ITGA11: variants seen among roughly 807,000 people sequenced by gnomAD.
ITGA11 encodes integrin alpha-11.
A neutral mutation model predicts 141.9 loss-of-function variants in ITGA11; 97 were observed. That is an observed-to-expected ratio of 0.68 (90% CI 0.58 to 0.81). ITGA11 has a LOEUF of 0.81. ITGA11 is among the 30% of genes least tolerant of loss of function. The pLI is 0.00. For missense variants in ITGA11, 1,387 were observed against 1,559.2 expected (o/e 0.89, Z 1.86); for synonymous variants, 658 against 624.6 (o/e 1.05, Z -0.80).
rs963183268 is a variant in ITGA11 at position 68,307,174 on chromosome 15, C to G, written c.3381+174G>C. ...CCTAGTGTTGCCCCTGAGGCTTTGT[C>G]TTGCTTTTTTCCCTCTTTTCAGCGG... On this transcript the variant is annotated intron_variant, in intron 28 of 29. Transcript: ENST00000315757. The surrounding 1 kb of genome is among the most constrained non-coding windows in gnomAD (Gnocchi z 6.1). Among the ~76,000 whole-genome samples, 2 of 152,238 alleles carry G rather than the reference C, an allele frequency of 1.3e-5. No homozygotes were observed. The highest frequency in any genetic ancestry group is 1.5e-5 in the Non-Finnish European group (1 of 68,048).
intron 10 of ITGA11, chr15:68,340,710 C>T (rs1040295796): frequency 1.3e-5 from 2 of 152,198 alleles, no homozygotes; most frequent in African/African-American, 2.4e-5. Flanking sequence ...AGGTTACTGA[C>T]CCCATGGCCC....
intron 8 of ITGA11, 143 bp downstream of exon 8, chr15:68,351,115 T>G (rs1372759464): frequency 2.3e-6 from 2 of 868,616 alleles, no homozygotes; most frequent in Admixed American, 2.8e-5. Flanking sequence ...CTCAACTTGT[T>G]GTTCAGAAGA....
chr15:68,406,202 C>G (rs1372210591), intron 1 of ITGA11, among the ~76,000 whole-genome samples: 1 of 152,154 alleles, frequency 6.6e-6, no homozygotes, highest in African/African-American at 2.4e-5. Flanking sequence ...CCAGAGGGAC[C>G]CTTCCAAGAC....
rs1159163362 is a variant in ITGA11, at chr15:68,333,244, C to G, written c.1426-766G>C. Among the ~76,000 whole-genome samples the G allele has an allele frequency of 6.6e-6, 1 of 151,992 alleles. No individual in the cohort carries two copies. Among genetic ancestry groups the G allele is most frequent in the African/African-American group, 2.4e-5 (1 of 41,372 alleles). On this transcript the variant is annotated intron_variant, in intron 12 of 29. Transcript: ENST00000315757. The surrounding 1 kb of genome is among the most constrained non-coding windows in gnomAD (Gnocchi z 4.2). ...CCTCCTGAGTAGCTGGGACCACAGG[C>G]ACTTACCACCGCTCCTGGCTGTTTT...
chr15:68,365,723 TCCCTC>T (rs1032276747), intron 3 of ITGA11, among the ~76,000 whole-genome samples: 4 of 151,700 alleles, frequency 2.6e-5, no homozygotes, highest in African/African-American at 9.7e-5. Flanking sequence ...AATTTTCCCT[TCCCTC>T]CCCTCCCTTT....
At chr15:68,350,550 G>GGGATTAT (rs1894873268) in intron 9 of ITGA11, 67 bp downstream of exon 9, 1 of 1,466,912 alleles carries the variant, frequency 6.8e-7, no homozygotes, top group Non-Finnish European at 9.3e-7. Context: ...ATTGGTTTGT[G>GGGATTAT]CTCTACGGGG....
chr15:68,413,603 T>C (rs565156019), intron 1 of ITGA11, among the ~76,000 whole-genome samples: 11 of 152,314 alleles, frequency 7.2e-5, no homozygotes, highest in East Asian at 5.8e-4. Flanking sequence ...TGGATGTCCA[T>C]TGAGAGCCCC....
Position 68,357,262 on chromosome 15 carries a change from T to C in ITGA11, c.638A>G (p.Glu213Gly). The C allele has an allele frequency of 6.2e-7, 1 of 1,613,860 alleles. No homozygotes were observed. Among genetic ancestry groups the C allele is most frequent in the Non-Finnish European group, 8.5e-7 (1 of 1,179,854 alleles). ...AGACCTGTAGTCGTTGAGGTGAAAC[T>C]CATGCACCACATCTTCGCCATACTG... ...VVQYGEDVVHEFHLNDYRSVK... is the reference protein window; with the variant it reads ...VVQYGEDVVHGFHLNDYRSVK... Residue 213 changes from glutamate (E) to glycine (G), a missense_variant, in exon 7 of 30, where the codon GAG becomes GGG. Glu to Gly is a moderately conservative substitution (Grantham distance 98, BLOSUM62 -2). Coordinates refer to ENST00000315757, the MANE Select transcript of ITGA11 (RefSeq NM_001004439.2).
chr15:68,400,572 C>A (rs1896445115), intron 2 of ITGA11, among the ~76,000 whole-genome samples: 6 of 99,308 alleles, frequency 6.0e-5, no homozygotes, highest in East Asian at 2.3e-4. Flanking sequence ...ATAATATATA[C>A]AGAATATATA....
chr15:68,325,353 G>T lies in ITGA11; in HGVS notation c.2212-112C>A. On this transcript the variant is annotated intron_variant, in intron 17 of 29. Transcript: ENST00000315757. This position sits in a 1 kb window ranked among gnomAD's most constrained non-coding sequence, Gnocchi z 5.5. Reference sequence around the variant, plus strand: ...ACCTTCCTTAGATGGCAGGGCAGCTGCCCTGTGCCCTCAGGGTGAGTCTGC... The same window carrying T: ...ACCTTCCTTAGATGGCAGGGCAGCTTCCCTGTGCCCTCAGGGTGAGTCTGC... 1 of 727,636 alleles carries T rather than the reference G, an allele frequency of 1.4e-6. No homozygotes were observed. Among genetic ancestry groups the T allele is most frequent in the Non-Finnish European group, 2.4e-6 (1 of 409,016 alleles). The allele number at this position is 727,636 out of a possible 1,614,324, so 45.1% of individuals were successfully genotyped here.
At chr15:68,362,602 GATGA>G (rs1257447391) in intron 4 of ITGA11, among the ~76,000 whole-genome samples, 3 of 152,092 alleles carry the variant, frequency 2.0e-5, no homozygotes, top group Admixed American at 6.6e-5. Context: ...TAGATGGATG[GATGA>G]ATGATGTATA....
intron 15 of ITGA11, among the ~76,000 whole-genome samples, chr15:68,329,090 G>A (rs902213203): frequency 2.0e-5 from 3 of 152,190 alleles, no homozygotes; most frequent in Admixed American, 1.3e-4. Context: ...GTTCTTCTTA[G>A]CATAAAGGTG....
chr15:68,365,115 G>C (rs535956492), intron 3 of ITGA11: 2 of 982,340 alleles, frequency 2.0e-6, no homozygotes, highest in Non-Finnish European at 1.2e-6. Flanking sequence ...CCACTTCCCC[G>C]TGTGCCCCCA....
chr15:68,307,011 A>C lies in ITGA11; in HGVS notation c.3381+337T>G, dbSNP rs1893221105. On this transcript the variant is annotated intron_variant, in intron 28 of 29. Transcript: ENST00000315757. The surrounding 1 kb of genome is among the most constrained non-coding windows in gnomAD (Gnocchi z 6.1). ...TTCTCGTTGGGTCTCACAGAGTCTC[A>C]CTCCTTTCCTGGACCCTGGATGAAG... is the stretch of plus-strand genomic sequence containing the variant. Among the ~76,000 whole-genome samples, 1 of 151,568 alleles carries C rather than the reference A, an allele frequency of 6.6e-6. No homozygotes were observed. Among genetic ancestry groups the C allele is most frequent in the African/African-American group, 2.4e-5 (1 of 41,212 alleles).
intron 2 of ITGA11, among the ~76,000 whole-genome samples, chr15:68,375,147 C>T (rs1169602900): frequency 6.6e-6 from 1 of 152,202 alleles, no homozygotes; most frequent in Non-Finnish European, 1.5e-5. Flanking sequence ...GAGCCTCTCA[C>T]CTCTCTCCTC....
rs1005534333 is a variant in ITGA11, at chr15:68,325,415, A to C, written c.2212-174T>G. ...GGTTTCTAGCGGGTCTGTTGGTGGGAAGAGTGTGCTTCTGTGAAAGGAGCT... is the reference window on the plus strand; with the variant it reads ...GGTTTCTAGCGGGTCTGTTGGTGGGCAGAGTGTGCTTCTGTGAAAGGAGCT... On this transcript the variant is annotated intron_variant, in intron 17 of 29. Coordinates refer to ENST00000315757, the MANE Select transcript of ITGA11 (RefSeq NM_001004439.2). The surrounding 1 kb of genome is among the most constrained non-coding windows in gnomAD (Gnocchi z 5.5). Among the ~76,000 whole-genome samples the C allele has an allele frequency of 3.3e-5, 5 of 152,120 alleles. No individual in the cohort carries two copies. The highest frequency in any genetic ancestry group is 5.9e-5 in the Non-Finnish European group (4 of 68,012).
At chr15:68,358,611 C>T (rs577996467) in intron 5 of ITGA11, 26 bp from the exon 6 acceptor site, 1 of 1,599,136 alleles carries the variant, frequency 6.3e-7, no homozygotes, top group Admixed American at 1.7e-5. Flanking sequence ...ACAGTTATGG[C>T]TACCCAAGGA....
At chr15:68,340,890 G>A (rs1198248552) in intron 10 of ITGA11, 2 of 152,376 alleles carry the variant, frequency 1.3e-5, no homozygotes, top group African/African-American at 2.4e-5. Context: ...AAACAGGGAA[G>A]GGCTGCCTTC....
intron 2 of ITGA11, among the ~76,000 whole-genome samples, chr15:68,398,426 G>A (rs895250267): frequency 6.6e-6 from 1 of 150,710 alleles, no homozygotes; most frequent in African/African-American, 2.4e-5. Flanking sequence ...TGATGGTAAA[G>A]GGATCAATTC....
Sources: gnomAD v4.1 joint callset for allele counts (sites outside exome capture counted in the v4.1 genomes callset) on GRCh38, gnomAD v4.1.1 for gene constraint, Gnocchi (gnomAD v3.1) non-coding constraint, MANE v1.5 for transcripts, NCBI Gene and HGNC (gene_info 2026-07-23, HGNC 2026-07-21) for gene names.